The following PTPRG variants were observed in gnomAD, a reference collection of about 807,000 sequenced individuals.
PTPRG encodes receptor-type tyrosine-protein phosphatase gamma.
In PTPRG, 102 loss-of-function variants were observed where a neutral mutation model predicts 165.3. The observed-to-expected ratio is 0.62, with a 90% CI of 0.53 to 0.73. PTPRG has a LOEUF of 0.73. PTPRG is among the 30% of genes least tolerant of loss of function. The probability of loss-of-function intolerance (pLI) is 0.00; values close to 1 mark genes in which losing one functional copy is unlikely to be tolerated. For missense variants in PTPRG, 1,866 were observed against 1,861.4 expected (o/e 1.00, Z -0.05); for synonymous variants, 675 against 669.5 (o/e 1.01, Z -0.13).
At chr3:61,758,691 G>T (rs1163977628) in intron 2 of PTPRG, among the ~76,000 whole-genome samples, 1 of 151,994 alleles carries the variant, frequency 6.6e-6, no homozygotes, top group Non-Finnish European at 1.5e-5. Flanking sequence ...GACCTCAGGT[G>T]ATCCGCCCAC....
At chr3:61,800,200 A>G (rs1432568914) in intron 2 of PTPRG, among the ~76,000 whole-genome samples, 3 of 152,254 alleles carry the variant, frequency 2.0e-5, no homozygotes, top group East Asian at 1.9e-4. Context: ...TGACAGATAT[A>G]TTACTGGTTT....
At position 62,132,609 on chromosome 3, in the gene PTPRG, C is replaced by T. The variant is rs61757808; in HGVS notation, c.623C>T (p.Pro208Leu). Reference protein sequence around the residue: ...GAMAIFFQVSPRDNSALDPII... With the variant: ...GAMAIFFQVSLRDNSALDPII... ...TGTTTCCTTTACATTTAGGTCAGTC[C>T]GAGGGACAATTCTGCACTGGATCCT... The change falls in exon 6 of 30, where the codon CCG (proline) becomes CTG (leucine). Residue 208 changes from proline (P) to leucine (L), a missense_variant. Physicochemically the swap from Pro to Leu is moderately conservative, Grantham distance 98. This residue lies in a region of PTPRG where 408 missense variants were observed against 376.2 expected (regional missense o/e 1.08). Coordinates refer to ENST00000474889, the MANE Select transcript of PTPRG (RefSeq NM_002841.4). The T allele has an allele frequency of 4.3e-4, 692 of 1,609,554 alleles. 1 individual carries two copies. Among genetic ancestry groups the T allele is most frequent in the Non-Finnish European group, 5.3e-4 (625 of 1,176,040 alleles).
At chr3:61,937,787 G>A (rs983932203) in intron 2 of PTPRG, among the ~76,000 whole-genome samples, 1 of 152,118 alleles carries the variant, frequency 6.6e-6, no homozygotes, top group African/African-American at 2.4e-5. Context: ...CCACCTCCCA[G>A]CTCCAGTATA....
chr3:62,123,943 G>A (rs544404854), intron 5 of PTPRG, among the ~76,000 whole-genome samples: 7 of 152,044 alleles, frequency 4.6e-5, no homozygotes, highest in Non-Finnish European at 1.0e-4. Flanking sequence ...GGTGGGAATA[G>A]TATATGAAAA....
At chr3:61,827,713 A>G (rs1488305099) in intron 2 of PTPRG, among the ~76,000 whole-genome samples, 1 of 152,222 alleles carries the variant, frequency 6.6e-6, no homozygotes, top group African/African-American at 2.4e-5. Flanking sequence ...TAGGTTATAC[A>G]TACATGATAA....
At chr3:62,163,779 C>A (rs2106719839) in intron 7 of PTPRG, among the ~76,000 whole-genome samples, 1 of 152,308 alleles carries the variant, frequency 6.6e-6, no homozygotes, top group East Asian at 1.9e-4. Flanking sequence ...GTTACAAAAA[C>A]CACAGGAAAT....
At chr3:61,856,554 C>G (rs1374997658) in intron 2 of PTPRG, among the ~76,000 whole-genome samples, 1 of 151,962 alleles carries the variant, frequency 6.6e-6, no homozygotes. Flanking sequence ...TACTTTTTTT[C>G]TCATTGCATG....
At chr3:62,081,000 G>A (rs1232007157) in intron 5 of PTPRG, among the ~76,000 whole-genome samples, 1 of 152,078 alleles carries the variant, frequency 6.6e-6, no homozygotes, top group Non-Finnish European at 1.5e-5. Flanking sequence ...GCTCACACCT[G>A]TAATCCCAGC....
At chr3:61,741,467 G>A (rs978824065) in intron 1 of PTPRG, among the ~76,000 whole-genome samples, 1 of 152,184 alleles carries the variant, frequency 6.6e-6, no homozygotes, top group Non-Finnish European at 1.5e-5. Flanking sequence ...TTATATGGAA[G>A]CTGACCTATT....
chr3:61,692,299 C>A (rs775248029), intron 1 of PTPRG, among the ~76,000 whole-genome samples: 2 of 152,180 alleles, frequency 1.3e-5, no homozygotes, highest in Non-Finnish European at 2.9e-5. Context: ...TCCTTGCATT[C>A]AACTTTGAGC....
At chr3:61,958,902 T>C (rs147822822) in intron 2 of PTPRG, among the ~76,000 whole-genome samples, 1 of 152,260 alleles carries the variant, frequency 6.6e-6, no homozygotes, top group Admixed American at 6.5e-5. Context: ...CTTTGGAGAA[T>C]ACAAGGATGT....
intron 6 of PTPRG, among the ~76,000 whole-genome samples, chr3:62,148,162 CAG>C: frequency 6.6e-6 from 1 of 152,084 alleles, no homozygotes; most frequent in Non-Finnish European, 1.5e-5. Context: ...AAATAAATAA[CAG>C]AGAAAACATA....
intron 1 of PTPRG, among the ~76,000 whole-genome samples, chr3:61,670,733 C>T (rs1363388821): frequency 6.6e-5 from 10 of 152,148 alleles, no homozygotes; most frequent in Admixed American, 1.3e-4. Context: ...TTAGACTGGG[C>T]GCGAGTTTTC....
intron 2 of PTPRG, among the ~76,000 whole-genome samples, chr3:61,952,232 T>G (rs2039917981): frequency 6.6e-6 from 1 of 152,008 alleles, no homozygotes; most frequent in African/African-American, 2.4e-5. Flanking sequence ...CACCACTGAC[T>G]GTTAGGACCA....
At chr3:61,811,597 G>GTCCA (rs2035579449) in intron 2 of PTPRG, among the ~76,000 whole-genome samples, 1 of 152,186 alleles carries the variant, frequency 6.6e-6, no homozygotes, top group African/African-American at 2.4e-5. Context: ...TCATTGAAGT[G>GTCCA]TCCATTCCAT....
chr3:61,855,959 G>A (rs1461889789), intron 2 of PTPRG, among the ~76,000 whole-genome samples: 1 of 151,814 alleles, frequency 6.6e-6, no homozygotes, highest in African/African-American at 2.4e-5. Flanking sequence ...TATCCCTCTG[G>A]CCACATAACT....
intron 1 of PTPRG, among the ~76,000 whole-genome samples, chr3:61,712,276 GA>G (rs1007769795): frequency 9.2e-5 from 14 of 151,692 alleles, no homozygotes; most frequent in South Asian, 2.1e-4. Context: ...TTTTTATATA[GA>G]AAAAATATAT....
chr3:61,882,781 T>A (rs1027491556), intron 2 of PTPRG, among the ~76,000 whole-genome samples: 2 of 152,234 alleles, frequency 1.3e-5, no homozygotes, highest in African/African-American at 4.8e-5. Context: ...TTCTGTATCA[T>A]ACGTGTTTCT....
intron 13 of PTPRG, among the ~76,000 whole-genome samples, chr3:62,220,997 G>T (rs974288748): frequency 1.3e-5 from 2 of 152,116 alleles, no homozygotes; most frequent in Admixed American, 1.3e-4. Flanking sequence ...GGACCATGGG[G>T]CCAAACAGGC....
Sources: allele counts gnomAD v4.1 joint callset (sites outside exome capture counted in the v4.1 genomes callset), GRCh38; gene constraint gnomAD v4.1.1; regional missense constraint gnomAD v4.1.1; transcripts MANE v1.5; gene names NCBI Gene and HGNC (gene_info 2026-07-23, HGNC 2026-07-21).